NAV3: variants seen among roughly 807,000 people sequenced by gnomAD.
NAV3 encodes neuron navigator 3, also known as pore membrane and/or filament interacting like protein 1.
In NAV3, 87 loss-of-function variants were observed where a neutral mutation model predicts 244.7. That is an observed-to-expected ratio of 0.36 (90% confidence interval 0.30 to 0.42). The LOEUF (loss-of-function observed/expected upper bound fraction) is 0.42, where lower values mean the gene tolerates loss of function less well. Ranked by LOEUF, NAV3 falls within the 20% of genes least tolerant of loss-of-function variation. The probability of loss-of-function intolerance (pLI) is 1.00; values close to 1 mark genes in which losing one functional copy is unlikely to be tolerated. For synonymous variants in NAV3, 1,126 were observed against 1,042.2 expected (o/e 1.08, Z -1.55); for missense variants, 2,663 against 2,893.3 (o/e 0.92, Z 1.83).
At chr12:77,957,030 A>G (rs1272631875) in intron 3 of NAV3, among the ~76,000 whole-genome samples, 1 of 152,186 alleles carries the variant, frequency 6.6e-6, no homozygotes, top group African/African-American at 2.4e-5. Flanking sequence ...GGCGTGAGCC[A>G]CCACACCCAG....
intron 2 of NAV3, among the ~76,000 whole-genome samples, chr12:77,716,550 A>G (rs942419348): frequency 3.9e-5 from 6 of 151,920 alleles, no homozygotes; most frequent in African/African-American, 1.4e-4. Context: ...TTTAATCCTT[A>G]TATAACTCCT....
Position 77,850,746 on chromosome 12 carries a change from C to A in NAV3, c.243+19042C>A, listed in dbSNP as rs1243301192. Reference sequence around the variant, plus strand: ...GATGGATACAGTGTGTGTAGGGAAGCTTTTGTGTCCTCAGGGTAATGGCAG... The same window carrying A: ...GATGGATACAGTGTGTGTAGGGAAGATTTTGTGTCCTCAGGGTAATGGCAG... On this transcript the variant is annotated intron_variant, in intron 1 of 39. Coordinates refer to ENST00000397909, the MANE Select transcript of NAV3 (RefSeq NM_001024383.2). Among the ~76,000 whole-genome samples the A allele has an allele frequency of 2.7e-5, 4 of 150,492 alleles. No homozygotes were observed. In the East Asian group the frequency reaches 8.0e-4, roughly 30 times the overall value.
intron 1 of NAV3, among the ~76,000 whole-genome samples, chr12:77,864,140 T>C (rs1879668746): frequency 6.6e-6 from 1 of 151,896 alleles, no homozygotes; most frequent in African/African-American, 2.4e-5. Flanking sequence ...ATTTGGTTTG[T>C]ACTTTCACCA....
chr12:77,718,138 A>G (rs1415389444), intron 2 of NAV3, among the ~76,000 whole-genome samples: 2 of 152,172 alleles, frequency 1.3e-5, no homozygotes, highest in African/African-American at 4.8e-5. Flanking sequence ...GTCATAATCC[A>G]TGAAATCAGT....
At chr12:77,806,986 G>C (rs1387495315) in intron 2 of NAV3, among the ~76,000 whole-genome samples, 1 of 152,056 alleles carries the variant, frequency 6.6e-6, no homozygotes, top group Non-Finnish European at 1.5e-5. Context: ...TCAGAGTCTA[G>C]TATTGCAACC....
chr12:78,118,522 A>G (rs1007528534), intron 14 of NAV3, among the ~76,000 whole-genome samples: 7 of 152,198 alleles, frequency 4.6e-5, no homozygotes, highest in African/African-American at 1.7e-4. Flanking sequence ...CTCCTCATAA[A>G]CTAGGGGTAC....
intron 2 of NAV3, among the ~76,000 whole-genome samples, chr12:77,782,264 C>G (rs1278347597): frequency 1.3e-5 from 2 of 151,296 alleles, no homozygotes; most frequent in Non-Finnish European, 2.9e-5. Context: ...TCCAACTCCC[C>G]CTTGCCTCCC....
Position 77,831,569 on chromosome 12 carries a change from C to G in NAV3, c.108C>G (p.His36Gln), listed in dbSNP as rs2136076964. 2.5e-6 allele frequency: 4 copies of G among 1,614,104 alleles called. No homozygotes were observed. The highest frequency in any genetic ancestry group is 3.4e-6 in the Non-Finnish European group (4 of 1,179,990). ...IPNLGTTGSQ[H>Q]CSSRPLELTE... Reference sequence around the variant, plus strand: ...ATCTTGGCACTACTGGGTCACAGCACTGTTCTTCAAGACCTTTGGAACTTA... The same window carrying G: ...ATCTTGGCACTACTGGGTCACAGCAGTGTTCTTCAAGACCTTTGGAACTTA... The change falls in exon 1 of 40, where the codon CAC becomes CAG. Residue 36 changes from histidine (H) to glutamine (Q), a missense_variant. His to Gln is a conservative substitution (Grantham distance 24, BLOSUM62 0). Transcript: ENST00000397909.
At chr12:77,682,144 A>G (rs1874501828) in intron 2 of NAV3, among the ~76,000 whole-genome samples, 1 of 150,584 alleles carries the variant, frequency 6.6e-6, no homozygotes. Context: ...GCCACCCCCC[A>G]CCTCGCCCCT....
chr12:77,842,073 A>G (rs551321485), intron 1 of NAV3, among the ~76,000 whole-genome samples: 1 of 152,326 alleles, frequency 6.6e-6, no homozygotes, highest in South Asian at 2.1e-4. Flanking sequence ...GCAAAAATTC[A>G]CCATTTAAAA....
intron 2 of NAV3, among the ~76,000 whole-genome samples, chr12:77,589,399 C>A (rs1335300386): frequency 6.6e-6 from 1 of 152,000 alleles, no homozygotes; most frequent in Non-Finnish European, 1.5e-5. Context: ...ACTGTATTAG[C>A]CGTCTGTTCT....
intron 2 of NAV3, among the ~76,000 whole-genome samples, chr12:77,748,285 C>G (rs931908343): frequency 2.0e-5 from 3 of 152,112 alleles, no homozygotes; most frequent in African/African-American, 7.2e-5. Flanking sequence ...GCTGCTAGAG[C>G]AATTTGGTTG....
chr12:77,937,055 T>C (rs1195237536), intron 1 of NAV3, among the ~76,000 whole-genome samples: 1 of 152,202 alleles, frequency 6.6e-6, no homozygotes. Context: ...TTTCCCTCTC[T>C]TGTCATTTCC....
At chr12:78,121,865 T>C in intron 15 of NAV3, 75 bp from the exon 16 acceptor site, 2 of 1,565,324 alleles carry the variant, frequency 1.3e-6, no homozygotes, top group South Asian at 1.2e-5. Flanking sequence ...TGGCTCTGTG[T>C]ACTGTAACCC....
chr12:78,162,906 A>T (rs987261118), intron 23 of NAV3, among the ~76,000 whole-genome samples: 1 of 130,274 alleles, frequency 7.7e-6, no homozygotes, highest in African/African-American at 2.6e-5. Flanking sequence ...ATATATAAAT[A>T]TATATATTAT....
At position 77,994,951 on chromosome 12, in the gene NAV3, T is replaced by C. The variant is rs919344704; in HGVS notation, c.740+80T>C. ...AGTGATATTTTGTCCTATCTTTTTT[T>C]TTTAATGATGCACTTCTGAATGAGA... On this transcript the variant is annotated intron_variant, in intron 6 of 39. Coordinates refer to ENST00000397909, the MANE Select transcript of NAV3 (RefSeq NM_001024383.2). 1.9e-5 allele frequency: 20 copies of C among 1,044,534 alleles called. No individual in the cohort carries two copies. The African/African-American group carries it at 3.1e-4, about 16-fold the overall frequency. The allele number at this position is 1,044,534 out of a possible 1,614,324, so 64.7% of individuals were successfully genotyped here.
chr12:77,788,094 T>C (rs1178796784), intron 2 of NAV3, among the ~76,000 whole-genome samples: 1 of 152,186 alleles, frequency 6.6e-6, no homozygotes, highest in Non-Finnish European at 1.5e-5. Context: ...GAGTAAGACA[T>C]TTATCATCTC....
rs149371484 is a variant in NAV3, at chr12:77,918,999, G to A, written c.244-21320G>A. 2.6e-5 allele frequency among the ~76,000 whole-genome samples: 4 copies of A among 152,088 alleles called. No individual in the cohort carries two copies. The East Asian group carries it at 5.8e-4, about 22-fold the overall frequency. On this transcript the variant is annotated intron_variant, in intron 1 of 39. Transcript: ENST00000397909. ...TAATCTGCAGAGAATATAAACAATGGGCAAGGTATTTCATTCAAACAAGGA... is the reference window on the plus strand; with the variant it reads ...TAATCTGCAGAGAATATAAACAATGAGCAAGGTATTTCATTCAAACAAGGA...
intron 2 of NAV3, among the ~76,000 whole-genome samples, chr12:77,726,638 G>C (rs932916888): frequency 6.6e-6 from 1 of 151,966 alleles, no homozygotes; most frequent in African/African-American, 2.4e-5. Context: ...AAAGTGACAT[G>C]TTTGCTGGGT....
Sources: gnomAD v4.1 joint callset for allele counts (sites outside exome capture counted in the v4.1 genomes callset) on GRCh38, gnomAD v4.1.1 for gene constraint, MANE v1.5 for transcripts, NCBI Gene and HGNC (gene_info 2026-07-23, HGNC 2026-07-21) for gene names.